Variants in UNC13C observed in about 807,000 individuals in gnomAD.
UNC13C encodes unc-13 homolog C.
UNC13C carries 174 observed loss-of-function variants against 245.4 expected under a neutral mutation model. The ratio of observed to expected loss-of-function variants is 0.71; its 90% confidence interval spans 0.63 to 0.80. The LOEUF is 0.80. UNC13C is among the 30% of genes least tolerant of loss of function. The pLI, the probability that UNC13C is intolerant of heterozygous loss-of-function variation, is 0.00. For synonymous variants in UNC13C, 992 were observed against 895.1 expected, an observed-to-expected ratio of 1.11 and a Z score of -1.93; for missense variants, 2,829 against 2,602.9, an observed-to-expected ratio of 1.09 and a Z score of -1.89.
At chr15:54,352,339 TGTA>T (rs926255955) in intron 17 of UNC13C, among the ~76,000 whole-genome samples, 2 of 59,070 alleles carry the variant, frequency 3.4e-5, no homozygotes, top group African/African-American at 8.4e-5. Context: ...ATTATATAAA[TGTA>T]TATATATATA....
At chr15:54,496,810 A>T (rs1204529300) in intron 20 of UNC13C, among the ~76,000 whole-genome samples, 2 of 150,442 alleles carry the variant, frequency 1.3e-5, no homozygotes, top group African/African-American at 2.4e-5. Flanking sequence ...GACTTTGAGG[A>T]CTTGAGGGAA....
At chr15:54,143,735 G>C in intron 4 of UNC13C, 51 bp downstream of exon 4, 1 of 1,444,090 alleles carries the variant, frequency 6.9e-7, no homozygotes, top group Non-Finnish European at 9.7e-7. Context: ...ATGGCACTTG[G>C]CTGTGTTCTC....
chr15:53,977,352 C>T (rs1041467329), upstream of UNC13C, among the ~76,000 whole-genome samples: 7 of 152,084 alleles, frequency 4.6e-5, no homozygotes, highest in Non-Finnish European at 1.0e-4. Context: ...ATGCTATATC[C>T]GGTTTAACTG....
intron 2 of UNC13C, among the ~76,000 whole-genome samples, chr15:54,043,435 C>T (rs892706425): frequency 2.0e-5 from 3 of 152,074 alleles, no homozygotes; most frequent in South Asian, 2.1e-4. Context: ...TTTTAGCAGC[C>T]GTTTATTTTT....
chr15:54,486,101 T>C (rs1293422492), intron 19 of UNC13C, among the ~76,000 whole-genome samples: 2 of 152,134 alleles, frequency 1.3e-5, no homozygotes, highest in Non-Finnish European at 2.9e-5. Flanking sequence ...CTTTGCTGTA[T>C]TTCCTGTATA....
intron 18 of UNC13C, among the ~76,000 whole-genome samples, chr15:54,403,963 A>C (rs2040241300): frequency 6.6e-6 from 1 of 152,152 alleles, no homozygotes; most frequent in Admixed American, 6.5e-5. Flanking sequence ...GATGGCTTGT[A>C]ATTTACTAGT....
chr15:54,344,475 T>A (rs1411626025), intron 17 of UNC13C, among the ~76,000 whole-genome samples: 1 of 152,222 alleles, frequency 6.6e-6, no homozygotes, highest in Non-Finnish European at 1.5e-5. Flanking sequence ...TCTTAGATTT[T>A]ATGCGAAATT....
intron 13 of UNC13C, among the ~76,000 whole-genome samples, chr15:54,302,641 T>C (rs1248372118): frequency 6.6e-6 from 1 of 152,168 alleles, no homozygotes; most frequent in Non-Finnish European, 1.5e-5. Flanking sequence ...TTCTGTTCCA[T>C]TGGTCTCTAT....
intron 7 of UNC13C, among the ~76,000 whole-genome samples, chr15:54,247,648 A>G (rs932893234): frequency 6.6e-6 from 1 of 152,122 alleles, no homozygotes; most frequent in African/African-American, 2.4e-5. Context: ...TATACCCTCT[A>G]GTAGGTTGTC....
rs182634948 is a variant in UNC13C at position 54,059,375 on chromosome 15, G to C, written c.2983+43489G>C. Among the ~76,000 whole-genome samples, 462 of 152,210 alleles carry C rather than the reference G, an allele frequency of 3.0e-3. 1 individual carries two copies. The highest frequency in any genetic ancestry group is 0.011 in the African/African-American group (438 of 41,522). ...AACTCCCATTCACAATTGCTTCAAA[G>C]AGAATAAAATACCTAGGAATCCAAC... is the stretch of plus-strand genomic sequence containing the variant. On this transcript the variant is annotated intron_variant, in intron 2 of 32. Transcript: ENST00000260323.
chr15:54,403,715 C>CAAAAAAAAAAAAAAA (rs771818988), intron 18 of UNC13C, among the ~76,000 whole-genome samples: 1 of 56,870 alleles, frequency 1.8e-5, no homozygotes, highest in African/African-American at 6.9e-5. Context: ...GAACCTGTCT[C>CAAAAAAAAAAAAAAA]AAAAAAAAAA....
chr15:54,515,922 C>T (rs1201791133), intron 24 of UNC13C, among the ~76,000 whole-genome samples: 5 of 152,348 alleles, frequency 3.3e-5, no homozygotes, highest in African/African-American at 1.2e-4. Context: ...AGTAACTTCA[C>T]ATAAGTCCAG....
At chr15:54,199,873 A>G (rs1347901736) in intron 4 of UNC13C, among the ~76,000 whole-genome samples, 1 of 152,110 alleles carries the variant, frequency 6.6e-6, no homozygotes, top group African/African-American at 2.4e-5. Flanking sequence ...AATGGCCTAA[A>G]TGTTCTACTT....
chr15:54,202,737 C>T (rs2034562669), intron 4 of UNC13C, among the ~76,000 whole-genome samples: 1 of 151,854 alleles, frequency 6.6e-6, no homozygotes, highest in South Asian at 2.1e-4. Flanking sequence ...TTGGAAAAGC[C>T]CTTCTAGACA....
intron 30 of UNC13C, among the ~76,000 whole-genome samples, chr15:54,604,202 A>T (rs146777836): frequency 1.9e-4 from 29 of 152,294 alleles, no homozygotes; most frequent in African/African-American, 7.0e-4. Context: ...GTATATCACA[A>T]TGTGGTCTGA....
At chr15:53,867,423 C>T in the UNC13C span, among the ~76,000 whole-genome samples, 1 of 152,132 alleles carries the variant, frequency 6.6e-6, no homozygotes, top group Admixed American at 6.6e-5. Context: ...GGGAGGCATC[C>T]ACATCCTGCC....
Position 54,013,854 on chromosome 15 carries a change from C to A in UNC13C, c.951C>A (p.Ser317Arg). The change falls in exon 2 of 33, where the codon AGC (serine) becomes AGA (arginine). Residue 317 changes from serine to arginine, a missense_variant. Transcript: ENST00000260323. ...DYIKHLGHMGSKASLRFLNVT... is the reference protein window; with the variant it reads ...DYIKHLGHMGRKASLRFLNVT... ...TTAAGCACTTAGGTCATATGGGTAG[C>A]AAGGCAAGCCTGAGATTTTTAAATG... 1 of 1,613,308 alleles carries A rather than the reference C, an allele frequency of 6.2e-7. No homozygotes were observed. The highest frequency in any genetic ancestry group is 8.5e-7 in the Non-Finnish European group (1 of 1,179,678).
At chr15:54,087,354 G>T (rs1214823603) in intron 2 of UNC13C, among the ~76,000 whole-genome samples, 1 of 152,050 alleles carries the variant, frequency 6.6e-6, no homozygotes, top group African/African-American at 2.4e-5. Context: ...AACACTACTG[G>T]CATCAGGGAG....
At chr15:54,003,209 AG>A (rs1894976821) in intron 1 of UNC13C, among the ~76,000 whole-genome samples, 2 of 152,270 alleles carry the variant, frequency 1.3e-5, no homozygotes, top group African/African-American at 4.8e-5. Context: ...AAAAAGTGGG[AG>A]GGGGCTTGTT....
Sources: allele counts gnomAD v4.1 joint callset (sites outside exome capture counted in the v4.1 genomes callset), GRCh38; gene constraint gnomAD v4.1.1; transcripts MANE v1.5; gene names NCBI Gene and HGNC (gene_info 2026-07-23, HGNC 2026-07-21).